DMD: variants seen among roughly 807,000 people sequenced by gnomAD.
The protein encoded by DMD is mutant dystrophin.
A neutral mutation model predicts 330.1 loss-of-function variants in DMD; 63 were observed. That is an observed-to-expected ratio of 0.19 (90% CI 0.16 to 0.24). The LOEUF is 0.24. DMD is among the 10% of genes least tolerant of loss of function. The pLI is 1.00. For missense variants in DMD, 3,344 were observed against 2,684.1 expected, an observed-to-expected ratio of 1.25 and a Z score of -5.43; for synonymous variants, 1,223 against 959.8, an observed-to-expected ratio of 1.27 and a Z score of -5.07.
intron 30 of DMD, among the ~76,000 whole-genome samples, chrX:32,410,905 G>C (rs2147924499): frequency 9.0e-6 from 1 of 111,716 alleles, no homozygotes; most frequent in South Asian, 3.7e-4. Flanking sequence ...TAGAAAAACA[G>C]GTAAACACGT....
At chrX:32,432,452 G>T (rs965213993) in intron 29 of DMD, among the ~76,000 whole-genome samples, 2 of 111,501 alleles carry the variant, frequency 1.8e-5, no homozygotes, top group African/African-American at 6.5e-5. Flanking sequence ...TTCTTTGAAA[G>T]CAACATAAAA....
At chrX:32,189,370 C>CA (rs201007036) in intron 44 of DMD, among the ~76,000 whole-genome samples, 20,568 of 81,828 alleles carry the variant, frequency 0.25, 2,021 homozygotes, top group African/African-American at 0.35. Flanking sequence ...CAGCAAACTA[C>CA]AAAAAAAAAA....
At chrX:32,800,293 T>A in intron 7 of DMD, among the ~76,000 whole-genome samples, 1 of 112,084 alleles carries the variant, frequency 8.9e-6, no homozygotes, top group Non-Finnish European at 1.9e-5. Flanking sequence ...CTGGTAAATC[T>A]ATCGAAGAGA....
At chrX:33,055,500 T>G (rs994316090) in intron 1 of DMD, among the ~76,000 whole-genome samples, 1 of 112,062 alleles carries the variant, frequency 8.9e-6, no homozygotes, top group African/African-American at 3.2e-5. Flanking sequence ...TAAAATAAAT[T>G]AGTTAAACCT....
At chrX:31,324,202 A>T (rs1389406901) in intron 61 of DMD, among the ~76,000 whole-genome samples, 1 of 111,551 alleles carries the variant, frequency 9.0e-6, no homozygotes, top group Non-Finnish European at 1.9e-5. Context: ...TGGTGCCTCA[A>T]AATGTCAGCT....
At chrX:32,068,801 C>T (rs1172556322) in intron 44 of DMD, among the ~76,000 whole-genome samples, 1 of 111,504 alleles carries the variant, frequency 9.0e-6, no homozygotes, top group Non-Finnish European at 1.9e-5. Flanking sequence ...ATCTACTTGA[C>T]AAGTAACCAT....
chrX:32,126,186 A>G (rs1362877355), intron 44 of DMD, among the ~76,000 whole-genome samples: 3 of 112,497 alleles, frequency 2.7e-5, no homozygotes. Context: ...CCACATTGGT[A>G]CATGTGTTTT....
chrX:32,546,492 T>A (rs946858384), intron 16 of DMD, among the ~76,000 whole-genome samples: 1 of 110,916 alleles, frequency 9.0e-6, no homozygotes, highest in Non-Finnish European at 1.9e-5. Flanking sequence ...TGTGAGGAAA[T>A]GGGAAAAGCC....
intron 63 of DMD, among the ~76,000 whole-genome samples, chrX:31,224,347 T>A: frequency 8.9e-6 from 1 of 112,177 alleles, no homozygotes; most frequent in Middle Eastern, 4.7e-3. Context: ...AATAATTCAA[T>A]CCATATCCAA....
At chrX:32,039,492 T>A (rs761676721) in intron 44 of DMD, among the ~76,000 whole-genome samples, 1 of 111,545 alleles carries the variant, frequency 9.0e-6, no homozygotes, top group South Asian at 3.8e-4. Context: ...TATCCATAGA[T>A]CCTTGTGCCC....
At chrX:32,424,892 A>C (rs1216444349) in intron 29 of DMD, among the ~76,000 whole-genome samples, 1 of 111,823 alleles carries the variant, frequency 8.9e-6, no homozygotes, top group Admixed American at 9.5e-5. Flanking sequence ...AAGATACTTC[A>C]GACTAGAATC....
rs1013143004 is a variant in DMD, at chrX:31,964,284, G to GA, written c.6614+4054dup. Among the ~76,000 whole-genome samples, 12 of 110,767 alleles carry GA rather than the reference G, an allele frequency of 1.1e-4. No individual in the cohort carries two copies. In the South Asian group the frequency reaches 2.3e-3, roughly 21 times the overall value. ...GACATTTTCAAATTTCAATATCGGT[G>GA]AAAAAAATGTGGAAGGGCTATTTTA... is the stretch of plus-strand genomic sequence containing the variant. On this transcript the variant is annotated intron_variant, in intron 45 of 78. Transcript: ENST00000357033.
At chrX:32,069,251 A>T (rs956219377) in intron 44 of DMD, among the ~76,000 whole-genome samples, 2 of 111,780 alleles carry the variant, frequency 1.8e-5, no homozygotes, top group African/African-American at 6.5e-5. Flanking sequence ...TTGTATCAAA[A>T]TATCACTAGA....
rs72466565 is a variant in DMD, at chrX:31,444,415, T to G, written c.9084+66A>C. 2,173 of 1,151,956 alleles carry G rather than the reference T, an allele frequency of 1.9e-3. 1 individual carries two copies. The highest frequency in any genetic ancestry group is 2.4e-3 in the Non-Finnish European group (2,002 of 843,210). 94.9% of individuals were successfully genotyped at this position (1,151,956 alleles called of 1,213,427 possible). A position where few individuals can be genotyped will look rare whatever the true frequency, so the allele number is the denominator to read the frequency against. On this transcript the variant is annotated intron_variant, in intron 60 of 78. Transcript: ENST00000357033. The stretch of plus-strand genomic sequence containing the variant: ...CATGAAAAAAGTACTTTCATTGTTC[T>G]TTACAAATTTTATCTGTATATTATT...
At chrX:32,785,267 A>G (rs2075251967) in intron 7 of DMD, among the ~76,000 whole-genome samples, 1 of 110,835 alleles carries the variant, frequency 9.0e-6, no homozygotes, top group African/African-American at 3.3e-5. Flanking sequence ...ACATTAGCTA[A>G]AACAATAGTG....
chrX:31,635,670 A>G (rs1330115584), intron 54 of DMD, among the ~76,000 whole-genome samples: 1 of 112,112 alleles, frequency 8.9e-6, no homozygotes, highest in Non-Finnish European at 1.9e-5. Flanking sequence ...ACAATTTCAT[A>G]ACCGCTGATC....
chrX:32,238,969 CTT>C (rs1367588427), intron 43 of DMD, among the ~76,000 whole-genome samples: 1 of 111,906 alleles, frequency 8.9e-6, no homozygotes, highest in Non-Finnish European at 1.9e-5. Context: ...AGTTGCCTCT[CTT>C]CTGTTTTATT....
intron 43 of DMD, among the ~76,000 whole-genome samples, chrX:32,218,064 T>C (rs1216948310): frequency 9.0e-6 from 1 of 111,600 alleles, no homozygotes; most frequent in Non-Finnish European, 1.9e-5. Flanking sequence ...GAAACAAGCA[T>C]TTGGTCACCT....
intron 1 of DMD, among the ~76,000 whole-genome samples, chrX:33,079,859 A>G (rs1199391559): frequency 9.0e-6 from 1 of 111,605 alleles, no homozygotes; most frequent in Admixed American, 9.6e-5. Context: ...ACAAGACCCA[A>G]TAAAGACAGC....
Sources: allele counts gnomAD v4.1 joint callset (sites outside exome capture counted in the v4.1 genomes callset), GRCh38; gene constraint gnomAD v4.1.1; transcripts MANE v1.5; gene names NCBI Gene and HGNC (gene_info 2026-07-23, HGNC 2026-07-21).